MRPS33: variants seen among roughly 807,000 people sequenced by gnomAD.
The protein encoded by MRPS33 is mitochondrial ribosomal protein S33, also known as small ribosomal subunit protein mS33.
In MRPS33, 11 loss-of-function variants were observed where a neutral mutation model predicts 11.2. The observed-to-expected ratio is 0.99, with a 90% CI of 0.62 to 1.63. The LOEUF is 1.63. Among genes scored for constraint, MRPS33 ranks in the 40% most tolerant of loss-of-function variants. MRPS33 has a pLI of 0.00. For missense variants in MRPS33, 109 were observed against 127.8 expected (o/e 0.85, Z 0.71); for synonymous variants, 46 against 44.0 (o/e 1.05, Z -0.18).
intron 2 of MRPS33, chr7:141,009,906 C>G (rs112324110): frequency 0.084 from 12,754 of 152,598 alleles, 585 homozygotes; most frequent in South Asian, 0.2. Context: ...CAGATTCAAG[C>G]AATTCTCCTG....
chr7:141,010,390 C>T, intron 2 of MRPS33, 29 bp downstream of exon 2: 2 of 1,608,664 alleles, frequency 1.2e-6, no homozygotes, highest in Non-Finnish European at 1.7e-6. Flanking sequence ...AAAAGTCTCT[C>T]ATAGGTCCCT....
At position 141,005,577 on chromosome 7, in the gene MRPS33, C is replaced by T. The variant is rs972823548; in HGVS notation, c.*853G>A. The stretch of plus-strand genomic sequence containing the variant: ...ATGTTGGCCAAAATGGTCTCGATCT[C>T]TTGACCTTGTGATCCACCCACCTCG... On this transcript the variant is annotated 3_prime_UTR_variant, in exon 3 of 3. Transcript: ENST00000324787. 4 of 152,148 alleles carry T rather than the reference C, an allele frequency of 2.6e-5. No homozygotes were observed. The highest frequency in any genetic ancestry group is 9.7e-5 in the African/African-American group (4 of 41,416). 9.4% of individuals were successfully genotyped at this position (152,148 alleles called of 1,614,324 possible). A position where few individuals can be genotyped will look rare whatever the true frequency, so the allele number is the denominator to read the frequency against.
chr7:141,006,578 A>C, intron 2 of MRPS33, 43 bp from the exon 3 acceptor site: 1 of 1,512,106 alleles, frequency 6.6e-7, no homozygotes, highest in Non-Finnish European at 9.2e-7. Flanking sequence ...TATTTTTACG[A>C]GTAGAAAAGT....
chr7:141,002,639 G>T lies in MRPS33; in HGVS notation c.*3791C>A. ...TTCAAATTTTGATTTATTCTTTCTT[G>T]GAAAATGATTTATAAATACAAGCAT... On this transcript the variant is annotated 3_prime_UTR_variant, in exon 3 of 3. Coordinates refer to ENST00000324787, the MANE Select transcript of MRPS33 (RefSeq NM_053035.3). 4.0e-6 allele frequency: 1 copy of T among 247,872 alleles called. No homozygotes were observed. Among genetic ancestry groups the T allele is most frequent in the South Asian group, 5.2e-5 (1 of 19,258 alleles). The allele number at this position is 247,872 out of a possible 1,614,324, so 15.4% of individuals were successfully genotyped here. A position where few individuals can be genotyped will look rare whatever the true frequency, so the allele number is the denominator to read the frequency against.
At position 141,004,503 on chromosome 7, in the gene MRPS33, G is replaced by A. The variant is rs1455429597; in HGVS notation, c.*1927C>T. 6.6e-6 allele frequency: 1 copy of A among 152,150 alleles called. No homozygotes were observed. The allele number at this position is 152,150 out of a possible 1,614,324, so 9.4% of individuals were successfully genotyped here. A position where few individuals can be genotyped will look rare whatever the true frequency, so the allele number is the denominator to read the frequency against. ...ATCTTTCTACTTCAGGAATCATTGA[G>A]TGTTACAGAGAAAGAAAACTGTGGC... On this transcript the variant is annotated 3_prime_UTR_variant, in exon 3 of 3. Transcript: ENST00000324787.
rs118113625 is a variant in MRPS33 at position 141,006,860 on chromosome 7, G to A, written c.216-325C>T. Among the ~76,000 whole-genome samples, 112 of 152,196 alleles carry A rather than the reference G, an allele frequency of 7.4e-4. 1 individual carries two copies. The East Asian group carries it at 0.019, about 26-fold the overall frequency. ...ACCCCAAATTTCCCTGCAACACTAA[G>A]ACTAAACAGAGAGGAGACAAAGTGG... On this transcript the variant is annotated intron_variant, in intron 2 of 2. Transcript: ENST00000324787.
At chr7:141,009,795 T>C (rs1238666330) in intron 2 of MRPS33, 2 of 150,664 alleles carry the variant, frequency 1.3e-5, no homozygotes, top group African/African-American at 4.9e-5. Flanking sequence ...CCAGTTTTTC[T>C]CTGCATTGTT....
chr7:141,006,580 T>A, intron 2 of MRPS33, 45 bp from the exon 3 acceptor site: 2 of 1,512,716 alleles, frequency 1.3e-6, no homozygotes, highest in Non-Finnish European at 1.8e-6. Context: ...TTTTTACGAG[T>A]AGAAAAGTAC....
chr7:141,003,161 T>A lies in MRPS33; in HGVS notation c.*3269A>T, dbSNP rs1820445967. On this transcript the variant is annotated 3_prime_UTR_variant, in exon 3 of 3. Coordinates refer to ENST00000324787, the MANE Select transcript of MRPS33 (RefSeq NM_053035.3). ...GGGCAAAATGGTCTATGCACACTGA[T>A]CCCCACAGGTTAGAAAGCACCAATA... 1 of 152,168 alleles carries A rather than the reference T, an allele frequency of 6.6e-6. No homozygotes were observed. The allele number at this position is 152,168 out of a possible 1,614,324, so 9.4% of individuals were successfully genotyped here.
At position 141,002,791 on chromosome 7, in the gene MRPS33, A is replaced by G. The variant is rs1421758719; in HGVS notation, c.*3639T>C. On this transcript the variant is annotated 3_prime_UTR_variant, in exon 3 of 3. Coordinates refer to ENST00000324787, the MANE Select transcript of MRPS33 (RefSeq NM_053035.3). ...AATAATAAGATGTTACCTCTCATCT[A>G]CCTCCTCTTCCTGAACCTATCATGC... The G allele has an allele frequency of 6.2e-6, 1 of 161,798 alleles. No homozygotes were observed. Among genetic ancestry groups the G allele is most frequent in the Admixed American group, 6.0e-5 (1 of 16,734 alleles). The allele number at this position is 161,798 out of a possible 1,614,324, so 10.0% of individuals were successfully genotyped here. A position where few individuals can be genotyped will look rare whatever the true frequency, so the allele number is the denominator to read the frequency against.
In MRPS33 at chr7:141,010,412, T is replaced by C; in HGVS notation, c.215+7A>G. The C allele has an allele frequency of 6.2e-7, 1 of 1,613,810 alleles. No homozygotes were observed. The highest frequency in any genetic ancestry group is 8.5e-7 in the Non-Finnish European group (1 of 1,179,830). On this transcript the variant is annotated splice_region_variant and intron_variant, in intron 2 of 2. Coordinates refer to ENST00000324787, the MANE Select transcript of MRPS33 (RefSeq NM_053035.3). ...TCTCATAGGTCCCTCTTTGTGTTTGTCATCACCTGTAGAGTCCAAGAAATC... is the reference window on the plus strand; with the variant it reads ...TCTCATAGGTCCCTCTTTGTGTTTGCCATCACCTGTAGAGTCCAAGAAATC...
chr7:141,009,612 G>A (rs897440616), intron 2 of MRPS33: 1 of 152,162 alleles, frequency 6.6e-6, no homozygotes, highest in Non-Finnish European at 1.5e-5. Context: ...AAAAATGCCA[G>A]AAGACAGTAG....
rs1820441465 is a variant in MRPS33 at position 141,002,955 on chromosome 7, T to A, written c.*3475A>T. The A allele has an allele frequency of 6.6e-6, 1 of 152,286 alleles. No individual in the cohort carries two copies. The highest frequency in any genetic ancestry group is 2.1e-4 in the South Asian group (1 of 4,834). 9.4% of individuals were successfully genotyped at this position (152,286 alleles called of 1,614,324 possible). On this transcript the variant is annotated 3_prime_UTR_variant, in exon 3 of 3. Transcript: ENST00000324787. ...TAAAAGTTTTTAACTTTTTATAATT[T>A]ACAGAGTTCTTTTCACAAATATCTT...
At position 141,004,969 on chromosome 7, in the gene MRPS33, G is replaced by C. The variant is rs757379491; in HGVS notation, c.*1461C>G. 6.6e-6 allele frequency: 1 copy of C among 152,168 alleles called. No homozygotes were observed. The highest frequency in any genetic ancestry group is 2.4e-5 in the African/African-American group (1 of 41,404). 9.4% of individuals were successfully genotyped at this position (152,168 alleles called of 1,614,324 possible). On this transcript the variant is annotated 3_prime_UTR_variant, in exon 3 of 3. Coordinates refer to ENST00000324787, the MANE Select transcript of MRPS33 (RefSeq NM_053035.3). ...TCACCATGTTAGCCAGGATGGTCTC[G>C]ATCCCCTGACCTCGTGATCCACCCG...
chr7:141,010,937 AC>A (rs1377701040), intron 1 of MRPS33, among the ~76,000 whole-genome samples: 3 of 152,118 alleles, frequency 2.0e-5, no homozygotes, highest in African/African-American at 7.2e-5. Context: ...CAGGTTATTT[AC>A]TGACAGTCAG....
intron 1 of MRPS33, among the ~76,000 whole-genome samples, chr7:141,010,944 G>A (rs1820661481): frequency 1.3e-5 from 2 of 152,180 alleles, no homozygotes; most frequent in Non-Finnish European, 2.9e-5. Context: ...TTTACTGACA[G>A]TCAGTTTACC....
intron 2 of MRPS33, among the ~76,000 whole-genome samples, chr7:141,007,715 A>G (rs1353338948): frequency 6.6e-6 from 1 of 151,912 alleles, no homozygotes; most frequent in Non-Finnish European, 1.5e-5. Flanking sequence ...CCCAAGTCCT[A>G]CTTGGCTCAC....
At chr7:141,012,784 T>G (rs1357543717) in intron 1 of MRPS33, among the ~76,000 whole-genome samples, 1 of 152,220 alleles carries the variant, frequency 6.6e-6, no homozygotes, top group African/African-American at 2.4e-5. Flanking sequence ...TCCAAGTCCC[T>G]TTATTTGTCA....
intron 1 of MRPS33, among the ~76,000 whole-genome samples, chr7:141,013,748 CA>C (rs1684078911): frequency 1.3e-5 from 2 of 152,172 alleles, no homozygotes; most frequent in African/African-American, 4.8e-5. Context: ...ATGTGCTGAG[CA>C]AAACAAATTA....
Sources: gnomAD v4.1 joint callset for allele counts (sites outside exome capture counted in the v4.1 genomes callset) on GRCh38, gnomAD v4.1.1 for gene constraint, MANE v1.5 for transcripts, NCBI Gene and HGNC (gene_info 2026-07-23, HGNC 2026-07-21) for gene names.